The following TLN1 variants were observed in gnomAD, a reference collection of about 807,000 sequenced individuals.
TLN1 encodes talin 1.
In TLN1, 56 loss-of-function variants were observed where a neutral mutation model predicts 292.3. That is an observed-to-expected ratio of 0.19 (90% confidence interval 0.15 to 0.24). The LOEUF (loss-of-function observed/expected upper bound fraction) is 0.24. TLN1 is among the 10% of genes least tolerant of loss of function. The pLI is 1.00. For missense variants in TLN1, 2,433 were observed against 3,248.2 expected (o/e 0.75, Z 6.10); for synonymous variants, 1,119 against 1,253.7 (o/e 0.89, Z 2.27).
chr9:35,727,053 A>G (rs1825990382), intron 1 of TLN1, among the ~76,000 whole-genome samples: 2 of 151,860 alleles, frequency 1.3e-5, no homozygotes, highest in African/African-American at 4.8e-5. Flanking sequence ...CCCTCCTGGC[A>G]CCCCCTCTCA....
At chr9:35,729,059 C>T (rs1163026490) in intron 1 of TLN1, among the ~76,000 whole-genome samples, 1 of 32,612 alleles carries the variant, frequency 3.1e-5, no homozygotes, top group Non-Finnish European at 5.7e-5. Context: ...CAATAGTGAT[C>T]TGCCATTTAT....
In TLN1 at chr9:35,699,474, C is replaced by A. The variant is rs760950226; in HGVS notation, c.6769-13G>T. The A allele has an allele frequency of 6.2e-7, 1 of 1,607,202 alleles. No individual in the cohort carries two copies. Among genetic ancestry groups the A allele is most frequent in the Non-Finnish European group, 8.5e-7 (1 of 1,176,478 alleles). On this transcript the variant is annotated splice_polypyrimidine_tract_variant and intron_variant, in intron 50 of 56. Coordinates refer to ENST00000314888, the MANE Select transcript of TLN1 (RefSeq NM_006289.4). This position sits in a 1 kb window ranked among gnomAD's most constrained non-coding sequence, Gnocchi z 4.0. ...GCTTCTGCAGGGTCTGGGCAAGAAG[C>A]GGGCAGGGGACAAAGAGCATCACAT...
chr9:35,705,023 A>AGG (rs1380734402), intron 43 of TLN1, among the ~76,000 whole-genome samples: 1 of 152,220 alleles, frequency 6.6e-6, no homozygotes, highest in East Asian at 1.9e-4. Flanking sequence ...AGTAGCACGC[A>AGG]GGCACTAAGT....
At position 35,719,966 on chromosome 9, in the gene TLN1, G is replaced by A; in HGVS notation, c.1464+73C>T. ...ACAAATAGGGACCTGGGAAAAGACT[G>A]CCTAACTCCTGGCTCGGCCCAGCTG... On this transcript the variant is annotated intron_variant, in intron 13 of 56. Transcript: ENST00000314888. This position sits in a 1 kb window ranked among gnomAD's most constrained non-coding sequence, Gnocchi z 4.6. The A allele has an allele frequency of 5.7e-6, 9 of 1,589,104 alleles. No homozygotes were observed. The highest frequency in any genetic ancestry group is 6.9e-6 in the Non-Finnish European group (8 of 1,164,448).
chr9:35,704,916 T>G lies in TLN1; in HGVS notation c.5734-101A>C. 6 of 1,345,634 alleles carry G rather than the reference T, an allele frequency of 4.5e-6. No homozygotes were observed. Among genetic ancestry groups the G allele is most frequent in the Non-Finnish European group, 6.1e-6 (6 of 981,606 alleles). 83.4% of individuals were successfully genotyped at this position (1,345,634 alleles called of 1,614,324 possible). ...TAAGGACATAGAAAAAAACATGCAT[T>G]GTAGACTAAAGAAGCAGAGAGAGAA... On this transcript the variant is annotated intron_variant, in intron 43 of 56. Coordinates refer to ENST00000314888, the MANE Select transcript of TLN1 (RefSeq NM_006289.4). The surrounding 1 kb of genome is among the most constrained non-coding windows in gnomAD (Gnocchi z 6.9).
In TLN1 at chr9:35,719,310, T is replaced by G. The variant is rs762305030; in HGVS notation, c.1688-28A>C. The G allele has an allele frequency of 6.2e-7, 1 of 1,602,350 alleles. No homozygotes were observed. The highest frequency in any genetic ancestry group is 2.2e-5 in the East Asian group (1 of 44,450). On this transcript the variant is annotated intron_variant, in intron 15 of 56. Transcript: ENST00000314888. This position sits in a 1 kb window ranked among gnomAD's most constrained non-coding sequence, Gnocchi z 4.6. ...AAGGGGAAAAGGAGAAAGAGGAACA[T>G]GAGAGACAGGGCAGGCCAGACGAAG...
In TLN1 at chr9:35,714,926, C is replaced by A; in HGVS notation, c.2755-50G>T. 6.2e-7 allele frequency: 1 copy of A among 1,602,614 alleles called. No homozygotes were observed. Among genetic ancestry groups the A allele is most frequent in the Admixed American group, 1.7e-5 (1 of 59,810 alleles). On this transcript the variant is annotated intron_variant, in intron 21 of 56. Coordinates refer to ENST00000314888, the MANE Select transcript of TLN1 (RefSeq NM_006289.4). The surrounding 1 kb of genome is among the most constrained non-coding windows in gnomAD (Gnocchi z 4.6). ...CAAGCCCATGGATTCCCATGCCCAGCCCAGTCCCTGGCCTACCTTGCCCAG... is the reference window on the plus strand; with the variant it reads ...CAAGCCCATGGATTCCCATGCCCAGACCAGTCCCTGGCCTACCTTGCCCAG...
intron 10 of TLN1, among the ~76,000 whole-genome samples, chr9:35,721,301 T>A (rs984829606): frequency 6.6e-6 from 1 of 152,214 alleles, no homozygotes; most frequent in Non-Finnish European, 1.5e-5. Context: ...CAAGTTGATA[T>A]CAGTTTTCAA....
chr9:35,718,199 A>ACCTGAT (rs1825818651), intron 17 of TLN1, among the ~76,000 whole-genome samples: 1 of 152,052 alleles, frequency 6.6e-6, no homozygotes, highest in South Asian at 2.1e-4. Flanking sequence ...TCCCTGTACT[A>ACCTGAT]CCCTACCTGA....
At chr9:35,725,541 A>T (rs1463826427) in intron 2 of TLN1, 24 bp downstream of exon 2, 2 of 1,607,782 alleles carry the variant, frequency 1.2e-6, no homozygotes, top group African/African-American at 2.7e-5. Flanking sequence ...CTCCCACTCC[A>T]GCCACCGGGG....
chr9:35,718,938 C>G (rs1030833154), intron 16 of TLN1, 28 bp from the exon 17 acceptor site: 2 of 1,607,680 alleles, frequency 1.2e-6, no homozygotes, highest in African/African-American at 2.7e-5. Context: ...CAGTCAGAAG[C>G]TGCCCAATCC....
Position 35,704,950 on chromosome 9 carries a change from G to T in TLN1, c.5734-135C>A. On this transcript the variant is annotated intron_variant, in intron 43 of 56. Coordinates refer to ENST00000314888, the MANE Select transcript of TLN1 (RefSeq NM_006289.4). This position sits in a 1 kb window ranked among gnomAD's most constrained non-coding sequence, Gnocchi z 6.9. ...AAGAAGCAGAGAGAGAAGGTTCCCA[G>T]CACAAGGACGTTTCCGGTTGCATAT... 9.1e-7 allele frequency: 1 copy of T among 1,097,514 alleles called. No homozygotes were observed. The allele number at this position is 1,097,514 out of a possible 1,614,324, so 68.0% of individuals were successfully genotyped here.
Position 35,707,486 on chromosome 9 carries a change from C to A in TLN1, c.4635G>T (p.Ala1545=). Residue 1545 remains alanine, a splice_region_variant and synonymous_variant, in exon 36 of 57, where the codon GCG becomes GCT. Coordinates refer to ENST00000314888, the MANE Select transcript of TLN1 (RefSeq NM_006289.4). The surrounding 1 kb of genome is among the most constrained non-coding windows in gnomAD (Gnocchi z 5.6). ...TCTCCTCTGTGAAGGCCCCATCTAG[C>A]GCCTAGAAGTGACAGAGAGGCTCTC... ...STANLVKTIK[A]LDGAFTEENR... is the part of the protein sequence containing the mutation. 6.2e-7 allele frequency: 1 copy of A among 1,613,682 alleles called. No homozygotes were observed. The highest frequency in any genetic ancestry group is 8.5e-7 in the Non-Finnish European group (1 of 1,179,748).
chr9:35,722,159 C>T lies in TLN1; in HGVS notation c.908G>A (p.Arg303His), dbSNP rs773595542. 6 of 1,614,186 alleles carry T rather than the reference C, an allele frequency of 3.7e-6. No homozygotes were observed. Among genetic ancestry groups the T allele is most frequent in the Admixed American group, 1.7e-5 (1 of 60,020 alleles). Residue 303 changes from arginine (R) to histidine (H), a missense_variant, in exon 9 of 57, where the codon CGT (arginine) becomes CAT (histidine). Arg to His is a conservative substitution (Grantham distance 29). Coordinates refer to ENST00000314888, the MANE Select transcript of TLN1 (RefSeq NM_006289.4). ...EAKVRYVKLA[R>H]SLKTYGVSFF... ...GGAGACACCGTAAGTCTTGAGAGAACGGGCTAGCTTCACGTAGCGGACCTT... is the reference window on the plus strand; with the variant it reads ...GGAGACACCGTAAGTCTTGAGAGAATGGGCTAGCTTCACGTAGCGGACCTT...
At chr9:35,721,426 T>C (rs1382759908) in intron 10 of TLN1, among the ~76,000 whole-genome samples, 1 of 152,230 alleles carries the variant, frequency 6.6e-6, no homozygotes, top group African/African-American at 2.4e-5. Flanking sequence ...TGATCTCAGC[T>C]TGCTGATGAG....
At chr9:35,708,254 T>C in intron 34 of TLN1, 87 bp downstream of exon 34, 2 of 1,467,190 alleles carry the variant, frequency 1.4e-6, no homozygotes, top group Admixed American at 2.4e-5. Flanking sequence ...CCCTGCCCTC[T>C]TTCCCACATG....
At chr9:35,716,266 C>T (rs1419219350) in intron 20 of TLN1, 124 bp downstream of exon 20, 6 of 1,112,660 alleles carry the variant, frequency 5.4e-6, no homozygotes, top group Non-Finnish European at 7.6e-6. Flanking sequence ...CTGAGTGCTC[C>T]TATATTTGTC....
Position 35,724,388 on chromosome 9 carries a change from T to C in TLN1, c.512-54A>G. The C allele has an allele frequency of 6.2e-7, 1 of 1,607,298 alleles. No homozygotes were observed. The highest frequency in any genetic ancestry group is 1.7e-5 in the Admixed American group (1 of 59,718). ...AAACCCCCATGGCCCCTGTGCTGTC[T>C]GGTCTCTGTTTATTTCTGCATTTCC... On this transcript the variant is annotated intron_variant, in intron 5 of 56. Coordinates refer to ENST00000314888, the MANE Select transcript of TLN1 (RefSeq NM_006289.4). This position sits in a 1 kb window ranked among gnomAD's most constrained non-coding sequence, Gnocchi z 4.7.
chr9:35,720,946 G>A (rs755876960), intron 10 of TLN1, 33 bp from the exon 11 acceptor site: 3 of 1,540,114 alleles, frequency 1.9e-6, no homozygotes, highest in South Asian at 1.1e-5. Context: ...CAGAGGGAAA[G>A]CTCAAATCTA....
Sources: allele counts gnomAD v4.1 joint callset (sites outside exome capture counted in the v4.1 genomes callset), GRCh38; gene constraint gnomAD v4.1.1; non-coding constraint Gnocchi (gnomAD v3.1); transcripts MANE v1.5; gene names NCBI Gene and HGNC (gene_info 2026-07-23, HGNC 2026-07-21).